ZNF462: variants seen among roughly 807,000 people sequenced by gnomAD.
ZNF462 encodes zinc finger PBX1-interacting protein.
Under a neutral mutation model 201.9 loss-of-function variants are expected in ZNF462, and 10 were observed. The ratio of observed to expected loss-of-function variants is 0.05; its 90% confidence interval spans 0.03 to 0.08. The LOEUF is 0.08. Among genes scored for constraint, ZNF462 ranks in the 10% least tolerant of loss-of-function variants. The pLI, the probability that ZNF462 is intolerant of heterozygous loss-of-function variation, is 1.00. For synonymous variants in ZNF462, 1,227 were observed against 1,193.3 expected (o/e 1.03, Z -0.58); for missense variants, 2,523 against 3,168.3 (o/e 0.80, Z 4.89).
At chr9:106,912,767 G>T (rs1427744526) in intron 1 of ZNF462, among the ~76,000 whole-genome samples, 1 of 152,170 alleles carries the variant, frequency 6.6e-6, no homozygotes, top group African/African-American at 2.4e-5. Context: ...TGGACATGAT[G>T]AACCTATTGA....
At position 106,928,803 on chromosome 9, in the gene ZNF462, C is replaced by G; in HGVS notation, c.4891C>G (p.Gln1631Glu). 1.9e-6 allele frequency: 3 copies of G among 1,614,136 alleles called. No homozygotes were observed. The highest frequency in any genetic ancestry group is 2.5e-6 in the Non-Finnish European group (3 of 1,180,030). Residue 1631 changes from glutamine to glutamate, a missense_variant, in exon 3 of 13, where the codon CAA (glutamine) becomes GAA (glutamate). Gln to Glu is a conservative substitution (Grantham distance 29, BLOSUM62 2). This residue lies in a region of ZNF462 where 200 missense variants were observed against 281.3 expected (regional missense o/e 0.71). Coordinates refer to ENST00000277225, the MANE Select transcript of ZNF462 (RefSeq NM_021224.6). The surrounding 1 kb of genome is among the most constrained non-coding windows in gnomAD (Gnocchi z 9.3). Reference sequence around the variant, plus strand: ...GATGACCACTGAAGTGAGCCCTTCCCAAGTCTCCATCACTGAGGAGGAGGT... The same window carrying G: ...GATGACCACTGAAGTGAGCCCTTCCGAAGTCTCCATCACTGAGGAGGAGGT... Reference protein sequence around the residue: ...PEMTTEVSPSQVSITEEEVGE... With the variant: ...PEMTTEVSPSEVSITEEEVGE...
intron 1 of ZNF462, among the ~76,000 whole-genome samples, chr9:106,894,996 C>A (rs530594058): frequency 6.6e-6 from 1 of 152,050 alleles, no homozygotes; most frequent in African/African-American, 2.4e-5. Flanking sequence ...TTTAATCTGA[C>A]GCTGCTGGTC....
chr9:107,009,574 G>A lies in ZNF462; in HGVS notation c.7219G>A (p.Ala2407Thr), dbSNP rs1191105195. The A allele has an allele frequency of 1.2e-6, 2 of 1,613,864 alleles. No homozygotes were observed. Among genetic ancestry groups the A allele is most frequent in the Non-Finnish European group, 1.7e-6 (2 of 1,179,942 alleles). ...GATGAGATTTTCTGACCACGGGGCTGCTCTTAACACTGAGAAGCGTTTTCC... is the reference window on the plus strand; with the variant it reads ...GATGAGATTTTCTGACCACGGGGCTACTCTTAACACTGAGAAGCGTTTTCC... ...ELMRFSDHGA[A>T]LNTEKRFPCE... The change falls in exon 12 of 13, where the codon GCT becomes ACT. Residue 2407 changes from alanine (A) to threonine (T), a missense_variant. Coordinates refer to ENST00000277225, the MANE Select transcript of ZNF462 (RefSeq NM_021224.6). This position sits in a 1 kb window ranked among gnomAD's most constrained non-coding sequence, Gnocchi z 6.1.
In ZNF462 at chr9:106,972,594, C is replaced by CT. The variant is rs796084247; in HGVS notation, c.6695+329dup. ...TCCCTTCAGAGAACTGTCTCCTCTC[C>CT]TTTTTTTAGCTTTGGAAAAAAAAGT... On this transcript the variant is annotated intron_variant, in intron 8 of 12. Coordinates refer to ENST00000277225, the MANE Select transcript of ZNF462 (RefSeq NM_021224.6). This position sits in a 1 kb window ranked among gnomAD's most constrained non-coding sequence, Gnocchi z 4.8. 1.4e-3 allele frequency among the ~76,000 whole-genome samples: 211 copies of CT among 152,224 alleles called. 3 individuals carry two copies. The highest frequency in any genetic ancestry group is 4.9e-3 in the African/African-American group (205 of 41,508).
intron 1 of ZNF462, among the ~76,000 whole-genome samples, chr9:106,884,732 G>T (rs574168202): frequency 1.6e-4 from 25 of 152,152 alleles, no homozygotes; most frequent in South Asian, 1.2e-3. Context: ...TGGTTTTTTT[G>T]TTTGTTTGTT....
At position 106,977,654 on chromosome 9, in the gene ZNF462, A is replaced by G. The variant is rs1326241330; in HGVS notation, c.6832+3381A>G. 6.6e-6 allele frequency among the ~76,000 whole-genome samples: 1 copy of G among 151,152 alleles called. No individual in the cohort carries two copies. Among genetic ancestry groups the G allele is most frequent in the Non-Finnish European group, 1.5e-5 (1 of 67,960 alleles). ...ATGGGGAACATAAGACCCAGCACCCACTCTCCTCAGAGATGAGCATGTGCG... is the reference window on the plus strand; with the variant it reads ...ATGGGGAACATAAGACCCAGCACCCGCTCTCCTCAGAGATGAGCATGTGCG... On this transcript the variant is annotated intron_variant, in intron 9 of 12. Coordinates refer to ENST00000277225, the MANE Select transcript of ZNF462 (RefSeq NM_021224.6). This position sits in a 1 kb window ranked among gnomAD's most constrained non-coding sequence, Gnocchi z 4.6.
intron 7 of ZNF462, among the ~76,000 whole-genome samples, chr9:106,965,805 C>A (rs1832046221): frequency 6.6e-6 from 1 of 152,062 alleles, no homozygotes; most frequent in South Asian, 2.1e-4. Context: ...TGTTTCTGGT[C>A]ACTACAGATT....
intron 9 of ZNF462, among the ~76,000 whole-genome samples, chr9:106,982,893 G>A (rs763675009): frequency 4.6e-5 from 7 of 152,100 alleles, no homozygotes; most frequent in African/African-American, 7.2e-5. Context: ...AGAGTGAGTC[G>A]CATCGGTGTA....
chr9:107,003,030 A>G lies in ZNF462; in HGVS notation c.7057-264A>G, dbSNP rs909483335. Among the ~76,000 whole-genome samples the G allele has an allele frequency of 2.6e-5, 4 of 152,196 alleles. No homozygotes were observed. Among genetic ancestry groups the G allele is most frequent in the Admixed American group, 6.5e-5 (1 of 15,278 alleles). On this transcript the variant is annotated intron_variant, in intron 10 of 12. Coordinates refer to ENST00000277225, the MANE Select transcript of ZNF462 (RefSeq NM_021224.6). The surrounding 1 kb of genome is among the most constrained non-coding windows in gnomAD (Gnocchi z 4.4). ...TTTTACTTTTGGTCTCCTGCGTACTATAGCTCATGTTTCTTCACAAGTTTG... is the reference window on the plus strand; with the variant it reads ...TTTTACTTTTGGTCTCCTGCGTACTGTAGCTCATGTTTCTTCACAAGTTTG...
chr9:106,872,799 A>T lies in ZNF462; in HGVS notation c.-31+9444A>T, dbSNP rs1315493185. On this transcript the variant is annotated intron_variant, in intron 1 of 12. Coordinates refer to ENST00000277225, the MANE Select transcript of ZNF462 (RefSeq NM_021224.6). This position sits in a 1 kb window ranked among gnomAD's most constrained non-coding sequence, Gnocchi z 4.5. Reference sequence around the variant, plus strand: ...ATAAATATGATTGCTTCATCAAAAAAATCTGCCAACTCTATAGAGTGGGAA... The same window carrying T: ...ATAAATATGATTGCTTCATCAAAAATATCTGCCAACTCTATAGAGTGGGAA... Among the ~76,000 whole-genome samples the T allele has an allele frequency of 6.6e-6, 1 of 152,250 alleles. No homozygotes were observed. The highest frequency in any genetic ancestry group is 1.5e-5 in the Non-Finnish European group (1 of 68,046).
chr9:106,928,907 C>T lies in ZNF462; in HGVS notation c.4995C>T (p.Cys1665=). The T allele has an allele frequency of 6.2e-7, 1 of 1,614,070 alleles. No homozygotes were observed. The highest frequency in any genetic ancestry group is 2.2e-5 in the East Asian group (1 of 44,862). Residue 1665 remains cysteine (C), a synonymous_variant, in exon 3 of 13, where the codon TGC becomes TGT. Coordinates refer to ENST00000277225, the MANE Select transcript of ZNF462 (RefSeq NM_021224.6). The surrounding 1 kb of genome is among the most constrained non-coding windows in gnomAD (Gnocchi z 9.3). ...VSHTVFRCQL[C]KYFCSTRKGI... Reference sequence around the variant, plus strand: ...ACACTGTGTTCCGGTGCCAGCTCTGCAAGTACTTCTGCTCCACGAGGAAGG... The same window carrying T: ...ACACTGTGTTCCGGTGCCAGCTCTGTAAGTACTTCTGCTCCACGAGGAAGG...
chr9:106,864,098 CTCTCTCTCT>C lies in ZNF462; in HGVS notation c.-31+744_-31+752del, dbSNP rs1564062771. Among the ~76,000 whole-genome samples, 143 of 126,308 alleles carry C rather than the reference CTCTCTCTCT, an allele frequency of 1.1e-3. 9 individuals carry two copies. The highest frequency in any genetic ancestry group is 2.4e-3 in the East Asian group (11 of 4,624). The allele number at this position is 126,308 out of a possible 152,430, so 82.9% of individuals were successfully genotyped here. ...TCTCTCTCTCTCTCTCTCTCTCTCTCTCTCTCTCTCTCCCTCTCCCCGAAGTTGGGATGC... is the reference window on the plus strand; with the variant it reads ...TCTCTCTCTCTCTCTCTCTCTCTCTCCTCCCTCTCCCCGAAGTTGGGATGC... On this transcript the variant is annotated intron_variant, in intron 1 of 12. Transcript: ENST00000277225.
chr9:107,003,146 G>GA lies in ZNF462; in HGVS notation c.7057-143dup, dbSNP rs903778389. On this transcript the variant is annotated intron_variant, in intron 10 of 12. Transcript: ENST00000277225. The surrounding 1 kb of genome is among the most constrained non-coding windows in gnomAD (Gnocchi z 4.4). ...CCATCTCCAAAAGAGTCAAAACGAA[G>GA]AAAAAGACCTCTTAGGCCCCGGAGT... The GA allele has an allele frequency of 3.6e-5, 37 of 1,029,076 alleles. 2 individuals carry two copies. In the Admixed American group the frequency reaches 1.0e-3, roughly 28 times the overall value. 63.7% of individuals were successfully genotyped at this position (1,029,076 alleles called of 1,614,324 possible).
rs1243992026 is a variant in ZNF462, at chr9:106,926,109, G to A, written c.2197G>A (p.Glu733Lys). The A allele has an allele frequency of 4.3e-6, 7 of 1,614,054 alleles. No homozygotes were observed. The highest frequency in any genetic ancestry group is 3.3e-5 in the Admixed American group (2 of 60,004). Residue 733 changes from glutamate to lysine, a missense_variant, in exon 3 of 13, where the codon GAG becomes AAG. Physicochemically the swap from Glu to Lys is moderately conservative, Grantham distance 56. This residue lies in a region of ZNF462 where 383 missense variants were observed against 453.4 expected (regional missense o/e 0.84). Transcript: ENST00000277225. This position sits in a 1 kb window ranked among gnomAD's most constrained non-coding sequence, Gnocchi z 7.9. Reference sequence around the variant, plus strand: ...AGAGGAAGAGGAAGACAACGAAGTCGAGATAGAGGTTGAGTTGGACAGGGA... The same window carrying A: ...AGAGGAAGAGGAAGACAACGAAGTCAAGATAGAGGTTGAGTTGGACAGGGA... ...DEEEEEDNEV[E>K]IEVELDREEE... is the part of the protein sequence containing the mutation.
intron 1 of ZNF462, among the ~76,000 whole-genome samples, chr9:106,893,842 G>A (rs78744013): frequency 0.044 from 6,736 of 152,266 alleles, 185 homozygotes; most frequent in Non-Finnish European, 0.067. Flanking sequence ...GTACTACGTG[G>A]TAGGTGTCAA....
chr9:106,863,821 G>C lies in ZNF462; in HGVS notation c.-31+466G>C, dbSNP rs986098150. On this transcript the variant is annotated intron_variant, in intron 1 of 12. Transcript: ENST00000277225. ...GTGTGGGGACAGGAGTAGGGACAGA[G>C]GGGGGCGGAGGGCGGGAGGCCGGAG... Among the ~76,000 whole-genome samples the C allele has an allele frequency of 3.3e-5, 5 of 152,040 alleles. No homozygotes were observed. In the South Asian group the frequency reaches 8.3e-4, roughly 25 times the overall value.
rs1208242348 is a variant in ZNF462, at chr9:106,925,828, T to C, written c.1916T>C (p.Leu639Pro). Residue 639 changes from leucine to proline, a missense_variant, in exon 3 of 13, where the codon CTA becomes CCA. Physicochemically the swap from Leu to Pro is moderately conservative, Grantham distance 98. Around this residue, in one of 15 missense-constraint regions of ZNF462, gnomAD observed 383 missense variants for 453.4 expected, o/e 0.84. Transcript: ENST00000277225. The surrounding 1 kb of genome is among the most constrained non-coding windows in gnomAD (Gnocchi z 7.9). Reference sequence around the variant, plus strand: ...AAATTCGAGGGGCAGCCCTCAAGCCTACCATTGGAAAATGAGACAGACAGC... The same window carrying C: ...AAATTCGAGGGGCAGCCCTCAAGCCCACCATTGGAAAATGAGACAGACAGC... Reference protein sequence around the residue: ...LPKFEGQPSSLPLENETDSHP... With the variant: ...LPKFEGQPSSPPLENETDSHP... 4 of 1,614,074 alleles carry C rather than the reference T, an allele frequency of 2.5e-6. No homozygotes were observed. Among genetic ancestry groups the C allele is most frequent in the Non-Finnish European group, 3.4e-6 (4 of 1,180,060 alleles).
At chr9:106,866,166 C>T (rs1223845300) in intron 1 of ZNF462, among the ~76,000 whole-genome samples, 3 of 152,196 alleles carry the variant, frequency 2.0e-5, no homozygotes, top group African/African-American at 7.2e-5. Context: ...AAGGTACCAG[C>T]TTCAACAGAA....
rs1354945629 is a variant in ZNF462, at chr9:107,013,263, A to C, written c.*2233A>C. On this transcript the variant is annotated 3_prime_UTR_variant, in exon 13 of 13. Coordinates refer to ENST00000277225, the MANE Select transcript of ZNF462 (RefSeq NM_021224.6). Reference sequence around the variant, plus strand: ...ACCATTATCCTTTTAACAAGGCTAGAATGTCATTTTTTTCTTTTTCAAACA... The same window carrying C: ...ACCATTATCCTTTTAACAAGGCTAGCATGTCATTTTTTTCTTTTTCAAACA... 13 of 152,172 alleles carry C rather than the reference A, an allele frequency of 8.5e-5. No individual in the cohort carries two copies. The highest frequency in any genetic ancestry group is 8.5e-4 in the Admixed American group (13 of 15,274). The allele number at this position is 152,172 out of a possible 1,614,324, so 9.4% of individuals were successfully genotyped here.
Sources: gnomAD v4.1 joint callset for allele counts (sites outside exome capture counted in the v4.1 genomes callset) on GRCh38, gnomAD v4.1.1 for gene constraint, gnomAD v4.1.1 regional missense constraint, Gnocchi (gnomAD v3.1) non-coding constraint, MANE v1.5 for transcripts, NCBI Gene and HGNC (gene_info 2026-07-23, HGNC 2026-07-21) for gene names.